Variants in CCDC85A observed in about 807,000 individuals in gnomAD.
CCDC85A encodes the protein coiled-coil domain containing 85A.
CCDC85A carries 38 observed loss-of-function variants against 50.2 expected under a neutral mutation model. The ratio of observed to expected loss-of-function variants is 0.76; its 90% CI spans 0.58 to 0.99. The LOEUF (loss-of-function observed/expected upper bound fraction) is 0.99, where lower values mean the gene tolerates loss of function less well. Among genes scored for constraint, CCDC85A ranks in the 50% least tolerant of loss-of-function variants. CCDC85A has a pLI of 0.00. For missense variants in CCDC85A, 820 were observed against 742.0 expected, an observed-to-expected ratio of 1.11 and a Z score of -1.22; for synonymous variants, 366 against 301.4, an observed-to-expected ratio of 1.21 and a Z score of -2.22.
chr2:56,378,615 T>G lies in CCDC85A; in HGVS notation c.1572+2680T>G, dbSNP rs1676446188. ...GTATCAGGGCTCAGAAGTGGCATTT[T>G]TATAATAATAATGGCTAGACGTTTC... On this transcript the variant is annotated intron_variant, in intron 5 of 5. Transcript: ENST00000407595. Among the ~76,000 whole-genome samples, 5 of 152,354 alleles carry G rather than the reference T, an allele frequency of 3.3e-5. No homozygotes were observed. The South Asian group carries it at 1.0e-3, about 32-fold the overall frequency.
intron 2 of CCDC85A, among the ~76,000 whole-genome samples, chr2:56,292,122 G>A (rs948271673): frequency 6.6e-6 from 1 of 150,584 alleles, no homozygotes; most frequent in African/African-American, 2.5e-5. Flanking sequence ...TTGCTCTGTC[G>A]CCCAGGCTGG....
chr2:56,385,099 C>A lies in CCDC85A; in HGVS notation c.*744C>A, dbSNP rs977023262. 2 of 151,896 alleles carry A rather than the reference C, an allele frequency of 1.3e-5. No individual in the cohort carries two copies. Among genetic ancestry groups the A allele is most frequent in the African/African-American group, 2.4e-5 (1 of 41,278 alleles). 9.4% of individuals were successfully genotyped at this position (151,896 alleles called of 1,614,324 possible). A position where few individuals can be genotyped will look rare whatever the true frequency, so the allele number is the denominator to read the frequency against. Reference sequence around the variant, plus strand: ...TTTCTCATAAAGACACATCTTGGGGCATACCAACCTTCATATTCATTCAGT... The same window carrying A: ...TTTCTCATAAAGACACATCTTGGGGAATACCAACCTTCATATTCATTCAGT... On this transcript the variant is annotated 3_prime_UTR_variant, in exon 6 of 6. Transcript: ENST00000407595.
At chr2:56,208,721 C>T (rs1206257020) in intron 2 of CCDC85A, among the ~76,000 whole-genome samples, 3 of 152,040 alleles carry the variant, frequency 2.0e-5, no homozygotes, top group Non-Finnish European at 4.4e-5. Flanking sequence ...CCTCTAGGCT[C>T]ACCCAACACA....
chr2:56,325,381 C>G (rs1270703462), intron 2 of CCDC85A, among the ~76,000 whole-genome samples: 3 of 151,960 alleles, frequency 2.0e-5, no homozygotes, highest in Non-Finnish European at 4.4e-5. Flanking sequence ...ATTCTCAGAG[C>G]CCATAAGATT....
chr2:56,194,118 C>G (rs555814621), intron 2 of CCDC85A, among the ~76,000 whole-genome samples: 2 of 152,216 alleles, frequency 1.3e-5, no homozygotes, highest in African/African-American at 4.8e-5. Flanking sequence ...CTCCCTTATA[C>G]ATATTCCAAA....
intron 5 of CCDC85A, among the ~76,000 whole-genome samples, chr2:56,383,354 G>C (rs999322003): frequency 1.3e-5 from 2 of 151,910 alleles, no homozygotes; most frequent in African/African-American, 4.8e-5. Flanking sequence ...ATAATCCTTA[G>C]CGTGAAATAG....
chr2:56,333,119 A>G (rs1003536164), intron 2 of CCDC85A, among the ~76,000 whole-genome samples: 9 of 152,240 alleles, frequency 5.9e-5, no homozygotes, highest in African/African-American at 2.2e-4. Flanking sequence ...AAGCTAATGT[A>G]TATGGTAGAA....
At chr2:56,353,489 C>A (rs1675060842) in intron 3 of CCDC85A, among the ~76,000 whole-genome samples, 1 of 152,182 alleles carries the variant, frequency 6.6e-6, no homozygotes, top group Non-Finnish European at 1.5e-5. Flanking sequence ...CATTCTGAGA[C>A]CAGGTGTAAA....
At chr2:56,351,121 C>T (rs1430732100) in intron 3 of CCDC85A, among the ~76,000 whole-genome samples, 5 of 144,798 alleles carry the variant, frequency 3.5e-5, no homozygotes, top group Non-Finnish European at 6.0e-5. Flanking sequence ...TTTGTTCTTG[C>T]GATAGTTTAC....
intron 5 of CCDC85A, among the ~76,000 whole-genome samples, chr2:56,377,897 A>AC (rs2104401835): frequency 6.6e-6 from 1 of 152,080 alleles, no homozygotes; most frequent in East Asian, 1.9e-4. Flanking sequence ...CAAAAAAAAA[A>AC]AAAAAAGATA....
chr2:56,229,718 A>C (rs1482370071), intron 2 of CCDC85A, among the ~76,000 whole-genome samples: 2 of 152,116 alleles, frequency 1.3e-5, no homozygotes, highest in Non-Finnish European at 2.9e-5. Flanking sequence ...AAACAGCCGG[A>C]TCTATATGTC....
intron 2 of CCDC85A, among the ~76,000 whole-genome samples, chr2:56,253,461 G>A (rs1439156228): frequency 6.6e-6 from 1 of 152,142 alleles, no homozygotes; most frequent in Non-Finnish European, 1.5e-5. Flanking sequence ...AGGGCTCCTA[G>A]TACAGTATGT....
intron 2 of CCDC85A, among the ~76,000 whole-genome samples, chr2:56,291,917 C>A (rs1293156619): frequency 1.3e-5 from 2 of 151,768 alleles, no homozygotes; most frequent in Non-Finnish European, 2.9e-5. Context: ...CTGGTGCAGG[C>A]CCAGGTGAGA....
chr2:56,352,858 G>A (rs558773529), intron 3 of CCDC85A, among the ~76,000 whole-genome samples: 55 of 152,190 alleles, frequency 3.6e-4, no homozygotes, highest in African/African-American at 1.3e-3. Context: ...TTTAGACCAG[G>A]AGGACACCCT....
At chr2:56,314,002 C>T (rs1205077257) in intron 2 of CCDC85A, among the ~76,000 whole-genome samples, 1 of 149,576 alleles carries the variant, frequency 6.7e-6, no homozygotes, top group Non-Finnish European at 1.5e-5. Context: ...GAAGTTTTGG[C>T]TGGTGATCAG....
At chr2:56,372,715 G>C (rs888118336) in intron 4 of CCDC85A, among the ~76,000 whole-genome samples, 1 of 152,168 alleles carries the variant, frequency 6.6e-6, no homozygotes, top group Non-Finnish European at 1.5e-5. Flanking sequence ...CAGGAGAGAA[G>C]AACAAAAGTA....
intron 3 of CCDC85A, among the ~76,000 whole-genome samples, chr2:56,353,593 A>C (rs1675066018): frequency 6.6e-6 from 1 of 152,180 alleles, no homozygotes; most frequent in African/African-American, 2.4e-5. Flanking sequence ...AGAAGCAGTG[A>C]AGATTGAATT....
At chr2:56,384,177 C>T (rs1197896922) in intron 5 of CCDC85A, 89 bp from the exon 6 acceptor site, 14 of 1,118,944 alleles carry the variant, frequency 1.3e-5, no homozygotes, top group African/African-American at 1.1e-4. Context: ...ACTTCATCTT[C>T]GCTCCTCTCT....
At chr2:56,288,393 C>G (rs536606194) in intron 2 of CCDC85A, among the ~76,000 whole-genome samples, 1 of 151,716 alleles carries the variant, frequency 6.6e-6, no homozygotes, top group African/African-American at 2.4e-5. Context: ...CAATGGAAAT[C>G]ACTGTCAGTT....
Sources: gnomAD v4.1 joint callset for allele counts (sites outside exome capture counted in the v4.1 genomes callset) on GRCh38, gnomAD v4.1.1 for gene constraint, MANE v1.5 for transcripts, NCBI Gene and HGNC (gene_info 2026-07-23, HGNC 2026-07-21) for gene names.